Variants in ABCB11 observed in about 807,000 individuals in gnomAD.
ABCB11 encodes ATP binding cassette subfamily B member 11.
Under a neutral mutation model 148.0 loss-of-function variants are expected in ABCB11, and 95 were observed. The observed-to-expected ratio is 0.64, with a 90% CI of 0.54 to 0.76. The LOEUF (loss-of-function observed/expected upper bound fraction) is 0.76. Among genes scored for constraint, ABCB11 ranks in the 30% least tolerant of loss-of-function variants. ABCB11 has a pLI of 0.00. For synonymous variants in ABCB11, 591 were observed against 555.4 expected, an observed-to-expected ratio of 1.06 and a Z score of -0.90; for missense variants, 1,523 against 1,617.8, an observed-to-expected ratio of 0.94 and a Z score of 1.01.
At chr2:168,979,021 G>A (rs1404860041) in intron 11 of ABCB11, among the ~76,000 whole-genome samples, 1 of 152,102 alleles carries the variant, frequency 6.6e-6, no homozygotes, top group Non-Finnish European at 1.5e-5. Context: ...TGCCTGGCCT[G>A]TTCTTGGATT....
chr2:168,967,572 A>G (rs1693373541), intron 17 of ABCB11, among the ~76,000 whole-genome samples: 1 of 151,916 alleles, frequency 6.6e-6, no homozygotes, highest in South Asian at 2.1e-4. Context: ...TCCATCTTGA[A>G]TGAGCAAGTC....
chr2:168,965,542 A>C (rs1308994061), intron 17 of ABCB11, among the ~76,000 whole-genome samples: 1 of 151,844 alleles, frequency 6.6e-6, no homozygotes, highest in Non-Finnish European at 1.5e-5. Flanking sequence ...TGGAATATTT[A>C]GTTATATGAG....
chr2:169,004,395 G>T (rs1694962706), intron 5 of ABCB11, among the ~76,000 whole-genome samples: 1 of 152,010 alleles, frequency 6.6e-6, no homozygotes, highest in Non-Finnish European at 1.5e-5. Flanking sequence ...GTCTTTGATG[G>T]ATTAATTTGA....
chr2:168,948,784 C>G (rs1372164160), intron 19 of ABCB11, among the ~76,000 whole-genome samples: 4 of 151,700 alleles, frequency 2.6e-5, no homozygotes, highest in African/African-American at 9.7e-5. Flanking sequence ...CTCTACCTTT[C>G]TGAAATTAAT....
At chr2:168,995,730 G>A (rs923237419) in intron 6 of ABCB11, among the ~76,000 whole-genome samples, 1 of 151,836 alleles carries the variant, frequency 6.6e-6, no homozygotes, top group African/African-American at 2.4e-5. Flanking sequence ...GCAGGCCCAT[G>A]TCTTCTGGAC....
rs1693992670 is a variant in ABCB11 at position 168,978,126 on chromosome 2, A to C, written c.1198-1439T>G. Reference sequence around the variant, plus strand: ...TTAAGAAAGAGGTAGAATTTGAATAAATTGACTTTTTTTTTTTTTTTTTTT... The same window carrying C: ...TTAAGAAAGAGGTAGAATTTGAATACATTGACTTTTTTTTTTTTTTTTTTT... On this transcript the variant is annotated intron_variant, in intron 11 of 27. Coordinates refer to ENST00000650372, the MANE Select transcript of ABCB11 (RefSeq NM_003742.4). Among the ~76,000 whole-genome samples the C allele has an allele frequency of 4.1e-5, 6 of 147,996 alleles. No homozygotes were observed. In the South Asian group the frequency reaches 1.3e-3, roughly 32 times the overall value.
chr2:169,003,051 G>T (rs1427104033), intron 5 of ABCB11, among the ~76,000 whole-genome samples: 1 of 151,972 alleles, frequency 6.6e-6, no homozygotes, highest in Non-Finnish European at 1.5e-5. Flanking sequence ...TTAGAATGGT[G>T]CACCCATCAT....
At chr2:169,003,706 A>G (rs1401147803) in intron 5 of ABCB11, among the ~76,000 whole-genome samples, 1 of 152,146 alleles carries the variant, frequency 6.6e-6, no homozygotes, top group African/African-American at 2.4e-5. Context: ...TTACATTCCC[A>G]CCAATGGTGT....
chr2:168,956,050 G>A (rs1180152926), intron 19 of ABCB11, among the ~76,000 whole-genome samples: 2 of 151,744 alleles, frequency 1.3e-5, no homozygotes, highest in African/African-American at 4.8e-5. Flanking sequence ...TTGGTTCACA[G>A]TTCCACATGG....
At chr2:168,938,843 G>T (rs1691944973) in intron 21 of ABCB11, among the ~76,000 whole-genome samples, 1 of 151,792 alleles carries the variant, frequency 6.6e-6, no homozygotes, top group Non-Finnish European at 1.5e-5. Flanking sequence ...TTTAAAAATT[G>T]AAAATAATAC....
chr2:168,929,385 C>T (rs1691464741), intron 25 of ABCB11, among the ~76,000 whole-genome samples: 1 of 151,828 alleles, frequency 6.6e-6, no homozygotes, highest in East Asian at 1.9e-4. Flanking sequence ...CAAAGGTTTT[C>T]ATGAAGACAA....
At position 169,013,497 on chromosome 2, in the gene ABCB11, G is replaced by A; in HGVS notation, c.164C>T (p.Ser55Leu). The A allele has an allele frequency of 1.2e-6, 2 of 1,612,964 alleles. No homozygotes were observed. The highest frequency in any genetic ancestry group is 1.7e-6 in the Non-Finnish European group (2 of 1,179,288). ...VGFFQLFRFS[S>L]STDIWLMFVG... ...AAACATCAGCCAAATGTCAGTTGAT[G>A]AAGAAAACCGAAACTTGAAAAACAA... is the stretch of plus-strand genomic sequence containing the variant. The change falls in exon 5 of 28, where the codon TCA becomes TTA. Residue 55 changes from serine (S) to leucine (L), a missense_variant. Coordinates refer to ENST00000650372, the MANE Select transcript of ABCB11 (RefSeq NM_003742.4).
chr2:168,978,743 C>T (rs765957869), intron 11 of ABCB11, among the ~76,000 whole-genome samples: 2 of 151,808 alleles, frequency 1.3e-5, no homozygotes, highest in Non-Finnish European at 1.5e-5. Context: ...TTTTGAGACA[C>T]GTTCTCACTC....
At chr2:169,010,680 T>C (rs1202493764) in intron 5 of ABCB11, among the ~76,000 whole-genome samples, 1 of 152,196 alleles carries the variant, frequency 6.6e-6, no homozygotes, top group Non-Finnish European at 1.5e-5. Flanking sequence ...TAGAAAAATG[T>C]CCTCTCTTTT....
At chr2:169,027,620 A>G (rs1367395312) in intron 1 of ABCB11, among the ~76,000 whole-genome samples, 4 of 152,202 alleles carry the variant, frequency 2.6e-5, no homozygotes, top group Admixed American at 2.6e-4. Context: ...CACTTGAGAG[A>G]ACCTAGTACT....
intron 1 of ABCB11, among the ~76,000 whole-genome samples, chr2:169,023,094 C>G (rs1474067232): frequency 6.6e-6 from 1 of 152,024 alleles, no homozygotes; most frequent in African/African-American, 2.4e-5. Context: ...AGGAAAGAGT[C>G]CTTTCATGCA....
At position 168,927,369 on chromosome 2, in the gene ABCB11, A is replaced by G. The variant is rs757040670; in HGVS notation, c.3412-7T>C. On this transcript the variant is annotated splice_region_variant and splice_polypyrimidine_tract_variant and intron_variant, in intron 25 of 27. Coordinates refer to ENST00000650372, the MANE Select transcript of ABCB11 (RefSeq NM_003742.4). The stretch of plus-strand genomic sequence containing the variant: ...TGTCATGACCATCTATCATCTGCCA[A>G]TAGAGGAGATGACAGGTCATTAGGT... 3.1e-5 allele frequency: 50 copies of G among 1,608,672 alleles called. No homozygotes were observed. The highest frequency in any genetic ancestry group is 4.0e-5 in the Non-Finnish European group (47 of 1,175,446).
At chr2:169,012,312 G>A (rs1341346799) in intron 5 of ABCB11, among the ~76,000 whole-genome samples, 1 of 152,118 alleles carries the variant, frequency 6.6e-6, no homozygotes, top group Non-Finnish European at 1.5e-5. Context: ...ACACTGCAAA[G>A]GCCATGCTAT....
intron 9 of ABCB11, among the ~76,000 whole-genome samples, chr2:168,989,640 T>C (rs1002341733): frequency 2.0e-5 from 3 of 152,054 alleles, no homozygotes; most frequent in Non-Finnish European, 4.4e-5. Flanking sequence ...TCAAGGTCTT[T>C]TGTGGTTGCT....
Sources: gnomAD v4.1 joint callset for allele counts (sites outside exome capture counted in the v4.1 genomes callset) on GRCh38, gnomAD v4.1.1 for gene constraint, MANE v1.5 for transcripts, NCBI Gene and HGNC (gene_info 2026-07-23, HGNC 2026-07-21) for gene names.